Variants in HDGFL2 observed in about 807,000 individuals in gnomAD.
The protein encoded by HDGFL2 is hepatoma-derived growth factor-related protein 2.
In HDGFL2, 36 loss-of-function variants were observed where a neutral mutation model predicts 77.1. The ratio of observed to expected loss-of-function variants is 0.47; its 90% CI spans 0.36 to 0.62. HDGFL2 has a LOEUF of 0.62. Among genes scored for constraint, HDGFL2 ranks in the 20% least tolerant of loss-of-function variants. The probability of loss-of-function intolerance (pLI) is 0.00; values close to 1 mark genes in which losing one functional copy is unlikely to be tolerated. For synonymous variants in HDGFL2, 463 were observed against 413.1 expected, an observed-to-expected ratio of 1.12 and a Z score of -1.46; for missense variants, 976 against 973.4, an observed-to-expected ratio of 1.00 and a Z score of -0.04.
At chr19:4,487,041 C>T (rs1975380854) in intron 3 of HDGFL2, among the ~76,000 whole-genome samples, 1 of 152,018 alleles carries the variant, frequency 6.6e-6, no homozygotes, top group Admixed American at 6.6e-5. Context: ...TCTCGGCTCA[C>T]TGCAACCTCT....
At chr19:4,487,122 G>A (rs914832126) in intron 3 of HDGFL2, among the ~76,000 whole-genome samples, 7 of 151,470 alleles carry the variant, frequency 4.6e-5, no homozygotes, top group South Asian at 4.2e-4. Flanking sequence ...CCGCCACCAC[G>A]CCTGGCTAAT....
At chr19:4,477,526 CAGG>C (rs1430248959) in intron 3 of HDGFL2, among the ~76,000 whole-genome samples, 2 of 152,202 alleles carry the variant, frequency 1.3e-5, no homozygotes, top group Non-Finnish European at 2.9e-5. Flanking sequence ...GTAGCTGTTT[CAGG>C]AGATCTTTTT....
At chr19:4,486,460 G>A (rs935036480) in intron 3 of HDGFL2, 3 of 151,578 alleles carry the variant, frequency 2.0e-5, no homozygotes, top group Non-Finnish European at 2.9e-5. Context: ...GGGAGGCGGA[G>A]GTTATGGTGG....
chr19:4,485,981 A>G lies in HDGFL2; in HGVS notation c.289-2695A>G, dbSNP rs191592127. On this transcript the variant is annotated intron_variant, in intron 3 of 15. Transcript: ENST00000616600. ...GGTGGGAGGATCACCTGAGCCCAGG[A>G]AGTTGAGGCTGCAGTGAGTCGTGAT... is the stretch of plus-strand genomic sequence containing the variant. 4.6e-3 allele frequency among the ~76,000 whole-genome samples: 693 copies of G among 149,050 alleles called. 2 individuals carry two copies. Among genetic ancestry groups the G allele is most frequent in the Middle Eastern group, 0.017 (5 of 288 alleles).
chr19:4,499,592 G>T lies in HDGFL2; in HGVS notation c.1677G>T (p.Gln559His). The change falls in exon 14 of 16, where the codon CAG becomes CAT. Residue 559 changes from glutamine (Q) to histidine (H), a missense_variant. Around this residue, in one of 5 missense-constraint regions of HDGFL2, gnomAD observed 229 missense variants for 187.3 expected, o/e 1.22. Coordinates refer to ENST00000616600, the MANE Select transcript of HDGFL2 (RefSeq NM_001001520.3). ...TCGGCCCAAAGATCGAGGCGGTGCA[G>T]AAAGTGAACAAGGCTGGGATGGAGA... Reference protein sequence around the residue: ...RVLGPKIEAVQKVNKAGMEKE... With the variant: ...RVLGPKIEAVHKVNKAGMEKE... The T allele has an allele frequency of 6.2e-7, 1 of 1,611,346 alleles. No homozygotes were observed. The highest frequency in any genetic ancestry group is 8.5e-7 in the Non-Finnish European group (1 of 1,178,828).
At chr19:4,478,294 C>T (rs559536982) in intron 3 of HDGFL2, among the ~76,000 whole-genome samples, 12 of 150,974 alleles carry the variant, frequency 7.9e-5, no homozygotes, top group African/African-American at 2.9e-4. Context: ...CCTCCGCCTC[C>T]CGGGTTCAAG....
rs776927282 is a variant in HDGFL2 at position 4,498,785 on chromosome 19, G to A, written c.1474-29G>A. On this transcript the variant is annotated intron_variant, in intron 12 of 15. Coordinates refer to ENST00000616600, the MANE Select transcript of HDGFL2 (RefSeq NM_001001520.3). ...CCCCTGGGGATCCCTTGGCCAGGCC[G>A]TCTCCCTCACTCCCACCCCACCCTG... 33 of 1,517,344 alleles carry A rather than the reference G, an allele frequency of 2.2e-5. No homozygotes were observed. In the Admixed American group the frequency reaches 2.5e-4, roughly 12 times the overall value. 94.0% of individuals were successfully genotyped at this position (1,517,344 alleles called of 1,614,324 possible). A position where few individuals can be genotyped will look rare whatever the true frequency, so the allele number is the denominator to read the frequency against.
chr19:4,492,989 AGTGT>A (rs368922117), intron 6 of HDGFL2, among the ~76,000 whole-genome samples: 18 of 62,494 alleles, frequency 2.9e-4, no homozygotes, highest in South Asian at 1.5e-3. Context: ...GTCTGTGTGT[AGTGT>A]GTGTGTGGTT....
At position 4,493,821 on chromosome 19, in the gene HDGFL2, C is replaced by G; in HGVS notation, c.797C>G (p.Ser266Cys). The change falls in exon 7 of 16, where the codon TCC (serine) becomes TGC (cysteine). Residue 266 changes from serine to cysteine, a missense_variant. Ser to Cys is a moderately radical substitution (Grantham distance 112). Around this residue, in one of 5 missense-constraint regions of HDGFL2, gnomAD observed 567 missense variants for 534.7 expected, o/e 1.06. Coordinates refer to ENST00000616600, the MANE Select transcript of HDGFL2 (RefSeq NM_001001520.3). ...TCCTCTTCCTCCTCCTCCTCCGACTCCGATGTGTCTGTGAAGAAGCCTCCG... is the reference window on the plus strand; with the variant it reads ...TCCTCTTCCTCCTCCTCCTCCGACTGCGATGTGTCTGTGAAGAAGCCTCCG... ...SSSSSSSSSD[S>C]DVSVKKPPRG... 3 of 1,534,120 alleles carry G rather than the reference C, an allele frequency of 2.0e-6. No individual in the cohort carries two copies. Among genetic ancestry groups the G allele is most frequent in the African/African-American group, 1.4e-5 (1 of 72,490 alleles).
At chr19:4,490,498 T>A (rs1212147529) in intron 4 of HDGFL2, among the ~76,000 whole-genome samples, 26 of 152,344 alleles carry the variant, frequency 1.7e-4, no homozygotes, top group Non-Finnish European at 5.9e-5. Flanking sequence ...CCATTCCAGA[T>A]CAGGCTGCCG....
chr19:4,488,691 G>T lies in HDGFL2; in HGVS notation c.304G>T (p.Asp102Tyr). ...ACTCCCACAGCCAGTGAGCTCCTCCGACAGCGAGGCCCCCGAGGCCAACCC... is the reference window on the plus strand; with the variant it reads ...ACTCCCACAGCCAGTGAGCTCCTCCTACAGCGAGGCCCCCGAGGCCAACCC... ...YSAPPPVSSS[D>Y]SEAPEANPAD... The change falls in exon 4 of 16, where the codon GAC (aspartate) becomes TAC (tyrosine). Residue 102 changes from aspartate (D) to tyrosine (Y), a missense_variant. By Grantham distance (160) the Asp-to-Tyr change is radical. Around this residue, in one of 5 missense-constraint regions of HDGFL2, gnomAD observed 103 missense variants for 145.7 expected, o/e 0.71. Coordinates refer to ENST00000616600, the MANE Select transcript of HDGFL2 (RefSeq NM_001001520.3). The T allele has an allele frequency of 6.5e-7, 1 of 1,546,160 alleles. No homozygotes were observed. The highest frequency in any genetic ancestry group is 2.4e-5 in the East Asian group (1 of 41,086).
chr19:4,472,459 G>A (rs761046560), intron 1 of HDGFL2, 37 bp downstream of exon 1: 12 of 440,350 alleles, frequency 2.7e-5, no homozygotes, highest in Non-Finnish European at 4.4e-5. Flanking sequence ...GTGGGGGGGG[G>A]GGGGGGGGCA....
rs372465543 is a variant in HDGFL2 at position 4,498,790 on chromosome 19, C to T, written c.1474-24C>T. On this transcript the variant is annotated intron_variant, in intron 12 of 15. Coordinates refer to ENST00000616600, the MANE Select transcript of HDGFL2 (RefSeq NM_001001520.3). ...GGGGATCCCTTGGCCAGGCCGTCTC[C>T]CTCACTCCCACCCCACCCTGCAGGA... 10 of 1,555,596 alleles carry T rather than the reference C, an allele frequency of 6.4e-6. No homozygotes were observed. The African/African-American group carries it at 1.2e-4, about 19-fold the overall frequency.
At position 4,472,436 on chromosome 19, in the gene HDGFL2, G is replaced by T; in HGVS notation, c.72+14G>T. On this transcript the variant is annotated intron_variant, in intron 1 of 15. Transcript: ENST00000616600. Reference sequence around the variant, plus strand: ...TGGCCTGCCAGGGTGAGGCCGCGCGGGAGATGGGGCCGGTGGGGGGGGGGG... The same window carrying T: ...TGGCCTGCCAGGGTGAGGCCGCGCGTGAGATGGGGCCGGTGGGGGGGGGGG... 10 of 1,232,860 alleles carry T rather than the reference G, an allele frequency of 8.1e-6. No homozygotes were observed. The highest frequency in any genetic ancestry group is 3.0e-5 in the East Asian group (1 of 33,160). The allele number at this position is 1,232,860 out of a possible 1,614,324, so 76.4% of individuals were successfully genotyped here. A position where few individuals can be genotyped will look rare whatever the true frequency, so the allele number is the denominator to read the frequency against.
At chr19:4,491,157 C>G (rs1321518814) in intron 4 of HDGFL2, among the ~76,000 whole-genome samples, 1 of 151,088 alleles carries the variant, frequency 6.6e-6, no homozygotes, top group Non-Finnish European at 1.5e-5. Flanking sequence ...TAAGCACATT[C>G]ACGTGGTTGT....
At chr19:4,488,944 C>T (rs1975435253) in intron 4 of HDGFL2, 68 bp downstream of exon 4, 2 of 1,108,806 alleles carry the variant, frequency 1.8e-6, no homozygotes, top group Non-Finnish European at 2.5e-6. Flanking sequence ...GCAGCTTGCT[C>T]TCCTGCCCTT....
chr19:4,484,246 G>C (rs1307138172), intron 3 of HDGFL2, among the ~76,000 whole-genome samples: 1 of 151,698 alleles, frequency 6.6e-6, no homozygotes, highest in Non-Finnish European at 1.5e-5. Context: ...ACCAGGCCCG[G>C]CTAATTTTTG....
chr19:4,493,621 G>GC lies in HDGFL2; in HGVS notation c.679-81dup, dbSNP rs1038442027. On this transcript the variant is annotated intron_variant, in intron 6 of 15. Coordinates refer to ENST00000616600, the MANE Select transcript of HDGFL2 (RefSeq NM_001001520.3). ...CGCAGAGCCTGGCGGCTGCAGGGGT[G>GC]CGGGAGCCTCCTCTGGCCTGGTGCG... 5 of 1,321,986 alleles carry GC rather than the reference G, an allele frequency of 3.8e-6. No homozygotes were observed. The African/African-American group carries it at 7.7e-5, about 20-fold the overall frequency. 81.9% of individuals were successfully genotyped at this position (1,321,986 alleles called of 1,614,324 possible). A position where few individuals can be genotyped will look rare whatever the true frequency, so the allele number is the denominator to read the frequency against.
At chr19:4,500,868 C>T (rs752622744) in intron 14 of HDGFL2, among the ~76,000 whole-genome samples, 25 of 152,176 alleles carry the variant, frequency 1.6e-4, no homozygotes, top group Non-Finnish European at 2.6e-4. Flanking sequence ...CGGCCTCCCA[C>T]GTGCTGGGAT....
Sources: allele counts gnomAD v4.1 joint callset (sites outside exome capture counted in the v4.1 genomes callset), GRCh38; gene constraint gnomAD v4.1.1; regional missense constraint gnomAD v4.1.1; transcripts MANE v1.5; gene names NCBI Gene and HGNC (gene_info 2026-07-23, HGNC 2026-07-21).